OR6N1: variants seen among roughly 807,000 people sequenced by gnomAD.
The protein encoded by OR6N1 is olfactory receptor family 6 subfamily N member 1, also known as olfactory receptor 6N1.
For missense variants in OR6N1, 394 were observed against 371.7 expected (o/e 1.06, Z -0.49); for synonymous variants, 170 against 150.7 (o/e 1.13, Z -0.94).
At chr1:158,768,023 T>G (rs1246564907) in intron 1 of OR6N1, among the ~76,000 whole-genome samples, 1 of 152,218 alleles carries the variant, frequency 6.6e-6, no homozygotes, top group Admixed American at 6.5e-5. Flanking sequence ...TTCCTTGACT[T>G]GATTCTCGGG....
chr1:158,832,127 A>G, the OR6N1 span, among the ~76,000 whole-genome samples: 3 of 152,144 alleles, frequency 2.0e-5, no homozygotes, highest in Non-Finnish European at 2.9e-5. Flanking sequence ...TCTTTTTCAA[A>G]TGGTCTATGC....
the OR6N1 span, among the ~76,000 whole-genome samples, chr1:158,840,070 T>A: frequency 5.9e-5 from 9 of 152,160 alleles, no homozygotes; most frequent in Admixed American, 5.9e-4. Context: ...TAGGGGGGGA[T>A]TTTAGAAAGA....
At chr1:158,777,297 G>C in the OR6N1 span, 1 of 1,614,132 alleles carries the variant, frequency 6.2e-7, no homozygotes, top group South Asian at 1.1e-5. Context: ...CTGTAAGAAG[G>C]TAGCATTCAG....
chr1:158,796,233 GT>G, the OR6N1 span: 1 of 152,192 alleles, frequency 6.6e-6, no homozygotes, highest in Non-Finnish European at 1.5e-5. Context: ...ATGCTTCAGA[GT>G]TTTCCATAAT....
the OR6N1 span, among the ~76,000 whole-genome samples, chr1:158,805,731 T>TA: frequency 1.3e-4 from 20 of 152,236 alleles, no homozygotes; most frequent in Admixed American, 1.0e-3. Flanking sequence ...AAATGGATCT[T>TA]AAAAAAATAC....
chr1:158,816,758 GACCAAC>G, the OR6N1 span, among the ~76,000 whole-genome samples: 5 of 152,306 alleles, frequency 3.3e-5, no homozygotes, highest in South Asian at 1.0e-3. Context: ...CTTGAATTTG[GACCAAC>G]ACCTTCCCAT....
chr1:158,797,038 T>C, the OR6N1 span, among the ~76,000 whole-genome samples: 6 of 152,138 alleles, frequency 3.9e-5, no homozygotes, highest in Non-Finnish European at 5.9e-5. Context: ...CTGTCTAGGA[T>C]TTTGTGCCCA....
chr1:158,834,325 C>T, the OR6N1 span, among the ~76,000 whole-genome samples: 2 of 151,252 alleles, frequency 1.3e-5, no homozygotes, highest in Admixed American at 1.3e-4. Flanking sequence ...CTCCGCCTCC[C>T]GGGTTCACGC....
At chr1:158,775,358 C>G (rs559481973), upstream of OR6N1, 1 of 152,092 alleles carries the variant, frequency 6.6e-6, no homozygotes, top group Admixed American at 6.6e-5. Context: ...CCAGAAAAAT[C>G]CATAATGTAT....
the OR6N1 span, among the ~76,000 whole-genome samples, chr1:158,813,567 G>T: frequency 6.6e-6 from 1 of 151,980 alleles, no homozygotes; most frequent in Non-Finnish European, 1.5e-5. Context: ...ACTAAAAGTT[G>T]TTTCCTATTG....
chr1:158,822,858 C>G, the OR6N1 span, among the ~76,000 whole-genome samples: 13 of 152,266 alleles, frequency 8.5e-5, no homozygotes, highest in South Asian at 2.1e-4. Context: ...TCATAGAAGG[C>G]TCTTTTTATG....
upstream of OR6N1, among the ~76,000 whole-genome samples, chr1:158,772,873 A>G (rs1484841902): frequency 6.6e-6 from 1 of 152,210 alleles, no homozygotes; most frequent in East Asian, 1.9e-4. Context: ...GATAAGTACT[A>G]TATGTGAGGT....
At chr1:158,769,558 G>A (rs1018537701) in intron 1 of OR6N1, among the ~76,000 whole-genome samples, 5 of 152,226 alleles carry the variant, frequency 3.3e-5, no homozygotes, top group Non-Finnish European at 5.9e-5. Flanking sequence ...GGAACTGCCT[G>A]TGCAAAGGCA....
At chr1:158,789,448 A>T in the OR6N1 span, among the ~76,000 whole-genome samples, 2 of 152,174 alleles carry the variant, frequency 1.3e-5, no homozygotes, top group African/African-American at 4.8e-5. Context: ...ACTAATTTAA[A>T]TTCTCACCAA....
At chr1:158,794,405 T>TCC in the OR6N1 span, among the ~76,000 whole-genome samples, 7 of 152,000 alleles carry the variant, frequency 4.6e-5, no homozygotes, top group African/African-American at 1.7e-4. Context: ...TGTGATGCAC[T>TCC]CCCCCTTCCC....
the OR6N1 span, among the ~76,000 whole-genome samples, chr1:158,825,033 C>G: frequency 7.7e-3 from 1,167 of 152,232 alleles, 15 homozygotes; most frequent in African/African-American, 0.026. Flanking sequence ...AACAGACAAC[C>G]TACAGAATGC....
At chr1:158,833,205 A>G in the OR6N1 span, among the ~76,000 whole-genome samples, 27 of 152,132 alleles carry the variant, frequency 1.8e-4, no homozygotes, top group African/African-American at 6.0e-4. Context: ...TTGGCCTCCA[A>G]CATTTCTTAG....
chr1:158,775,532 T>C (rs888095912), upstream of OR6N1: 5 of 152,210 alleles, frequency 3.3e-5, no homozygotes, highest in Admixed American at 2.6e-4. Context: ...GAATTTCTCA[T>C]GTTTTTATAA....
At chr1:158,772,710 T>C (rs74122472), upstream of OR6N1, among the ~76,000 whole-genome samples, 1,240 of 152,294 alleles carry the variant, frequency 8.1e-3, 21 homozygotes, top group African/African-American at 0.028. Context: ...ACTCTAGTGT[T>C]ATCTGCTCCG....
Sources: allele counts gnomAD v4.1 joint callset (sites outside exome capture counted in the v4.1 genomes callset), GRCh38; gene constraint gnomAD v4.1.1; transcripts MANE v1.5; gene names NCBI Gene and HGNC (gene_info 2026-07-23, HGNC 2026-07-21).